The following LRP1B variants were observed in gnomAD, a reference collection of about 807,000 sequenced individuals.
The protein encoded by LRP1B is low-density lipoprotein receptor-related protein 1B.
A neutral mutation model predicts 556.6 loss-of-function variants in LRP1B; 217 were observed. That is an observed-to-expected ratio of 0.39 (90% CI 0.35 to 0.44). The LOEUF is 0.44. Ranked by LOEUF, LRP1B falls within the 20% of genes least tolerant of loss-of-function variation. LRP1B has a pLI of 1.00. For synonymous variants in LRP1B, 2,047 were observed against 1,865.8 expected (o/e 1.10, Z -2.50); for missense variants, 5,053 against 5,620.8 (o/e 0.90, Z 3.23).
intron 5 of LRP1B, among the ~76,000 whole-genome samples, chr2:141,230,979 G>A (rs562313956): frequency 6.6e-6 from 1 of 152,076 alleles, no homozygotes; most frequent in South Asian, 2.1e-4. Context: ...ATTCAATACC[G>A]ATTTTCTGAA....
chr2:142,053,710 A>G (rs905305546), intron 1 of LRP1B, among the ~76,000 whole-genome samples: 6 of 152,152 alleles, frequency 3.9e-5, no homozygotes, highest in Non-Finnish European at 7.4e-5. Flanking sequence ...AATTGTTACA[A>G]AAAGACCATT....
intron 20 of LRP1B, among the ~76,000 whole-genome samples, chr2:140,938,028 G>A (rs969662389): frequency 5.9e-5 from 9 of 151,322 alleles, no homozygotes; most frequent in Non-Finnish European, 1.2e-4. Context: ...TTCAAAAGTC[G>A]CTGTCTCAAT....
chr2:140,319,471 C>T (rs957925266), intron 82 of LRP1B, among the ~76,000 whole-genome samples: 22 of 151,956 alleles, frequency 1.4e-4, no homozygotes, highest in African/African-American at 1.9e-4. Context: ...GAAAAGTTGT[C>T]GACAGTTAAA....
intron 56 of LRP1B, among the ~76,000 whole-genome samples, chr2:140,495,304 G>T (rs1461664386): frequency 6.9e-6 from 1 of 145,636 alleles, no homozygotes; most frequent in Non-Finnish European, 1.5e-5. Flanking sequence ...AGCAGTGCTA[G>T]AGATAGTTCT....
At chr2:141,369,832 C>G (rs1312246363) in intron 3 of LRP1B, among the ~76,000 whole-genome samples, 1 of 152,164 alleles carries the variant, frequency 6.6e-6, no homozygotes, top group Non-Finnish European at 1.5e-5. Context: ...GTCCATCATT[C>G]CATACTCTGC....
At chr2:141,178,668 G>T (rs1434179601) in intron 7 of LRP1B, among the ~76,000 whole-genome samples, 1 of 152,086 alleles carries the variant, frequency 6.6e-6, no homozygotes, top group Admixed American at 6.6e-5. Context: ...CACTTCCATA[G>T]TATGATGCTG....
rs942603418 is a variant in LRP1B, at chr2:142,081,736, C to A, written c.82+48912G>T. Among the ~76,000 whole-genome samples the A allele has an allele frequency of 3.3e-5, 5 of 152,162 alleles. No individual in the cohort carries two copies. The East Asian group carries it at 9.6e-4, about 29-fold the overall frequency. On this transcript the variant is annotated intron_variant, in intron 1 of 90. Transcript: ENST00000389484. ...TCAAGCGATCCTCCTGCTTCAGCAT[C>A]CTGAGTAGGTAGGACTATAGGTATA...
At chr2:141,060,205 A>G (rs6429860) in intron 8 of LRP1B, among the ~76,000 whole-genome samples, 144,148 of 151,722 alleles carry the variant, frequency 0.95, 68,929 homozygotes, top group East Asian at 1. Flanking sequence ...TGTATGAGAC[A>G]CGACTAAAAA....
chr2:140,413,436 T>A (rs1685048627), intron 66 of LRP1B, among the ~76,000 whole-genome samples: 1 of 152,192 alleles, frequency 6.6e-6, no homozygotes, highest in African/African-American at 2.4e-5. Context: ...TGAACCTCTG[T>A]TGTTGCCTGC....
At chr2:140,398,211 G>T (rs1684337129) in intron 66 of LRP1B, among the ~76,000 whole-genome samples, 1 of 151,884 alleles carries the variant, frequency 6.6e-6, no homozygotes, top group Non-Finnish European at 1.5e-5. Flanking sequence ...AGATAGAGGG[G>T]AATATAGAGA....
intron 1 of LRP1B, among the ~76,000 whole-genome samples, chr2:141,850,791 C>G (rs1697824447): frequency 6.6e-6 from 1 of 151,538 alleles, no homozygotes; most frequent in African/African-American, 2.4e-5. Context: ...AGCATTCACC[C>G]AGACTAATAA....
At chr2:141,239,147 A>T (rs917024338) in intron 5 of LRP1B, among the ~76,000 whole-genome samples, 2 of 152,080 alleles carry the variant, frequency 1.3e-5, no homozygotes, top group African/African-American at 4.8e-5. Context: ...AGCAAAGTAA[A>T]CTGAGAAAAA....
At chr2:142,039,704 G>A (rs138890047) in intron 1 of LRP1B, among the ~76,000 whole-genome samples, 7 of 151,520 alleles carry the variant, frequency 4.6e-5, no homozygotes, top group Non-Finnish European at 7.4e-5. Flanking sequence ...ATATAAACAC[G>A]TGCTTTTATG....
chr2:140,805,888 C>T (rs540008550), intron 32 of LRP1B, among the ~76,000 whole-genome samples: 9 of 152,054 alleles, frequency 5.9e-5, no homozygotes, highest in African/African-American at 2.2e-4. Flanking sequence ...TGCATACATA[C>T]ACACACACAT....
At chr2:141,055,060 T>C (rs1699139253) in intron 10 of LRP1B, 56 bp downstream of exon 10, 1 of 1,589,418 alleles carries the variant, frequency 6.3e-7, no homozygotes, top group East Asian at 2.3e-5. Context: ...AATTAATACT[T>C]AAAATCCTAT....
At chr2:140,540,504 A>G (rs146170726) in intron 45 of LRP1B, among the ~76,000 whole-genome samples, 120 of 152,214 alleles carry the variant, frequency 7.9e-4, no homozygotes, top group Middle Eastern at 3.4e-3. Flanking sequence ...TGCATTCTTA[A>G]TTAACAGTTT....
chr2:140,533,878 C>G (rs1690828434), intron 47 of LRP1B, 143 bp downstream of exon 47: 2 of 786,144 alleles, frequency 2.5e-6, no homozygotes, highest in South Asian at 4.2e-5. Flanking sequence ...TTTAGCAACT[C>G]CATTCCAACA....
rs887085780 is a variant in LRP1B, at chr2:141,139,478, T to C, written c.1013+48943A>G. Among the ~76,000 whole-genome samples, 12 of 151,078 alleles carry C rather than the reference T, an allele frequency of 7.9e-5. No individual in the cohort carries two copies. The South Asian group carries it at 8.3e-4, about 10-fold the overall frequency. On this transcript the variant is annotated intron_variant, in intron 7 of 90. Coordinates refer to ENST00000389484, the MANE Select transcript of LRP1B (RefSeq NM_018557.3). The stretch of plus-strand genomic sequence containing the variant: ...TGATAAAATATTGGTGTATACTATA[T>C]ATAAAGAACACTCAAAACCCTCCAA...
chr2:141,478,517 C>T (rs1682795981), intron 3 of LRP1B, among the ~76,000 whole-genome samples: 1 of 124,138 alleles, frequency 8.1e-6, no homozygotes, highest in Admixed American at 8.6e-5. Context: ...TCCCTCCCTC[C>T]CTTCCTCCCT....
Sources: gnomAD v4.1 joint callset for allele counts (sites outside exome capture counted in the v4.1 genomes callset) on GRCh38, gnomAD v4.1.1 for gene constraint, MANE v1.5 for transcripts, NCBI Gene and HGNC (gene_info 2026-07-23, HGNC 2026-07-21) for gene names.